Variants in TMEM14A observed in about 807,000 individuals in gnomAD.
The protein encoded by TMEM14A is transmembrane protein 14A.
Under a neutral mutation model 11.6 loss-of-function variants are expected in TMEM14A, and 8 were observed. The observed-to-expected ratio is 0.69, with a 90% CI of 0.40 to 1.24. The LOEUF (loss-of-function observed/expected upper bound fraction) is 1.24. Ranked by LOEUF, TMEM14A falls within the 50% of genes most tolerant of loss-of-function variation. TMEM14A has a pLI of 0.01. For synonymous variants in TMEM14A, 34 were observed against 45.5 expected (o/e 0.75, Z 1.02); for missense variants, 108 against 121.9 (o/e 0.89, Z 0.54).
chr6:52,683,716 A>G (rs1769438018), intron 3 of TMEM14A, among the ~76,000 whole-genome samples: 1 of 149,444 alleles, frequency 6.7e-6, no homozygotes, highest in South Asian at 2.1e-4. Flanking sequence ...GGTTCAAGCA[A>G]TTCTCCTGCC....
At chr6:52,676,079 A>G (rs553098353) in intron 1 of TMEM14A, among the ~76,000 whole-genome samples, 2 of 152,302 alleles carry the variant, frequency 1.3e-5, no homozygotes, top group African/African-American at 2.4e-5. Flanking sequence ...CAGTGAAGAG[A>G]CCTGGCTGAC....
intron 1 of TMEM14A, among the ~76,000 whole-genome samples, chr6:52,672,984 C>T (rs1769189961): frequency 6.6e-6 from 1 of 152,144 alleles, no homozygotes; most frequent in Non-Finnish European, 1.5e-5. Flanking sequence ...GGTGTACAGC[C>T]CTGTCTTTCT....
chr6:52,681,973 T>C (rs144669907), intron 3 of TMEM14A, 59 bp downstream of exon 3: 6 of 1,411,090 alleles, frequency 4.3e-6, no homozygotes, highest in East Asian at 2.3e-5. Flanking sequence ...ATCTTTTTGA[T>C]ACCCTATGCT....
chr6:52,680,943 G>A (rs1173412644), intron 2 of TMEM14A, among the ~76,000 whole-genome samples: 2 of 150,558 alleles, frequency 1.3e-5, no homozygotes, highest in Non-Finnish European at 3.0e-5. Context: ...TATTGTGTGT[G>A]TATGCATGCA....
At chr6:52,676,832 C>T (rs1024235387) in intron 1 of TMEM14A, among the ~76,000 whole-genome samples, 1 of 152,124 alleles carries the variant, frequency 6.6e-6, no homozygotes. Flanking sequence ...GTGCTACACG[C>T]TTTCAAACAT....
chr6:52,671,392 T>C (rs1769158274), intron 1 of TMEM14A, 147 bp downstream of exon 1: 1 of 152,162 alleles, frequency 6.6e-6, no homozygotes. Context: ...CTTGAGGGGA[T>C]TTTGCAGGGC....
At chr6:52,681,718 C>A in intron 2 of TMEM14A, 95 bp from the exon 3 acceptor site, 1 of 1,030,522 alleles carries the variant, frequency 9.7e-7, no homozygotes, top group Non-Finnish European at 1.5e-6. Flanking sequence ...AGTAGGAATA[C>A]ATTTGAAGGT....
At chr6:52,685,517 G>A (rs1769475611) in intron 4 of TMEM14A, among the ~76,000 whole-genome samples, 1 of 151,978 alleles carries the variant, frequency 6.6e-6, no homozygotes, top group South Asian at 2.1e-4. Flanking sequence ...CTCAGGAGGT[G>A]GAGGTTGCAG....
At chr6:52,680,669 G>GTATATATATATACATATATGTGTATATA (rs1554137462) in intron 2 of TMEM14A, among the ~76,000 whole-genome samples, 1 of 35,968 alleles carries the variant, frequency 2.8e-5, no homozygotes, top group Non-Finnish European at 6.1e-5. Context: ...ATATATATGT[G>GTATATATATATACATATATGTGTATATA]TATATATATA....
At chr6:52,671,584 C>T (rs1769162909) in intron 1 of TMEM14A, among the ~76,000 whole-genome samples, 1 of 152,176 alleles carries the variant, frequency 6.6e-6, no homozygotes, top group South Asian at 2.1e-4. Context: ...CCAGACCCCA[C>T]TCGAAAATGT....
At chr6:52,675,237 C>T (rs558560606) in intron 1 of TMEM14A, among the ~76,000 whole-genome samples, 1 of 152,142 alleles carries the variant, frequency 6.6e-6, no homozygotes, top group South Asian at 2.1e-4. Flanking sequence ...GATAAAAGGC[C>T]CATTAACCTA....
intron 4 of TMEM14A, among the ~76,000 whole-genome samples, chr6:52,685,363 G>A (rs1021523268): frequency 2.0e-5 from 3 of 152,136 alleles, no homozygotes; most frequent in African/African-American, 7.2e-5. Context: ...GAAGGCTTTG[G>A]CGGGTGGATC....
chr6:52,684,524 T>C (rs6923338), intron 4 of TMEM14A, among the ~76,000 whole-genome samples: 49,350 of 152,100 alleles, frequency 0.32, 8,449 homozygotes, highest in East Asian at 0.43. Context: ...TTTGACAGAG[T>C]GACAGTGTGA....
chr6:52,676,433 T>C (rs1164994778), intron 1 of TMEM14A, among the ~76,000 whole-genome samples: 4 of 152,142 alleles, frequency 2.6e-5, no homozygotes, highest in African/African-American at 4.8e-5. Context: ...TTTGTATTTT[T>C]ACTAGAGATG....
At chr6:52,677,299 G>A (rs1056582024) in intron 2 of TMEM14A, 127 bp downstream of exon 2, 88 of 977,544 alleles carry the variant, frequency 9.0e-5, no homozygotes, top group Non-Finnish European at 1.3e-4. Context: ...AGACCAGCGT[G>A]TCTTGGAAGG....
At chr6:52,683,416 C>T (rs536323227) in intron 3 of TMEM14A, among the ~76,000 whole-genome samples, 7 of 149,356 alleles carry the variant, frequency 4.7e-5, no homozygotes, top group Admixed American at 6.7e-5. Context: ...GCTGAGATCA[C>T]GCCACTGTAC....
intron 2 of TMEM14A, among the ~76,000 whole-genome samples, chr6:52,680,293 A>G (rs1413704699): frequency 6.6e-6 from 1 of 151,900 alleles, no homozygotes; most frequent in Non-Finnish European, 1.5e-5. Flanking sequence ...TGGCCAAGTG[A>G]ACAGTGCAGA....
At chr6:52,672,961 C>T (rs1006006682) in intron 1 of TMEM14A, among the ~76,000 whole-genome samples, 11 of 152,178 alleles carry the variant, frequency 7.2e-5, no homozygotes, top group Admixed American at 5.2e-4. Context: ...ACTCCCTTTA[C>T]GGGGCTTATG....
intron 2 of TMEM14A, among the ~76,000 whole-genome samples, chr6:52,678,292 G>T (rs1460264352): frequency 6.6e-6 from 1 of 151,902 alleles, no homozygotes; most frequent in Non-Finnish European, 1.5e-5. Context: ...GAAAGAAAGT[G>T]GGGAGAGAGA....
Sources: gnomAD v4.1 joint callset for allele counts (sites outside exome capture counted in the v4.1 genomes callset) on GRCh38, gnomAD v4.1.1 for gene constraint, MANE v1.5 for transcripts, NCBI Gene and HGNC (gene_info 2026-07-23, HGNC 2026-07-21) for gene names.